The following MDGA2 variants were observed in gnomAD, a reference collection of about 807,000 sequenced individuals.
The protein encoded by MDGA2 is MAM domain containing glycosylphosphatidylinositol anchor 2, also known as MAM domain-containing glycosylphosphatidylinositol anchor protein 2.
In MDGA2, 40 loss-of-function variants were observed where a neutral mutation model predicts 117.8. That is an observed-to-expected ratio of 0.34 (90% CI 0.26 to 0.44). MDGA2 has a LOEUF of 0.44. Ranked by LOEUF, MDGA2 falls within the 20% of genes least tolerant of loss-of-function variation. MDGA2 has a pLI of 1.00. For synonymous variants in MDGA2, 452 were observed against 439.0 expected (o/e 1.03, Z -0.37); for missense variants, 1,123 against 1,250.6 (o/e 0.90, Z 1.54).
rs528480711 is a variant in MDGA2, at chr14:47,380,877, C to T, written c.281-79327G>A. Reference sequence around the variant, plus strand: ...CTCATTTTATGAGGCCAGCATCATCCTGATACCAAAGCCTGGCAGAGACAC... The same window carrying T: ...CTCATTTTATGAGGCCAGCATCATCTTGATACCAAAGCCTGGCAGAGACAC... On this transcript the variant is annotated intron_variant, in intron 1 of 16. Coordinates refer to ENST00000399232, the MANE Select transcript of MDGA2 (RefSeq NM_001113498.3). 6.1e-4 allele frequency among the ~76,000 whole-genome samples: 93 copies of T among 152,228 alleles called. 1 individual carries two copies. The highest frequency in any genetic ancestry group is 2.1e-3 in the African/African-American group (88 of 41,564).
chr14:47,426,346 G>T (rs1311981210), intron 1 of MDGA2, among the ~76,000 whole-genome samples: 1 of 151,602 alleles, frequency 6.6e-6, no homozygotes, highest in Non-Finnish European at 1.5e-5. Context: ...TCCAAATTTG[G>T]TCATTGGGAT....
intron 7 of MDGA2, among the ~76,000 whole-genome samples, chr14:47,053,597 ATG>A: frequency 1.3e-5 from 1 of 77,354 alleles, no homozygotes; most frequent in Non-Finnish European, 2.5e-5. Flanking sequence ...CCTAGTGTGT[ATG>A]TGTATATATA....
intron 1 of MDGA2, among the ~76,000 whole-genome samples, chr14:47,448,357 CT>C (rs1893171327): frequency 6.6e-6 from 1 of 151,976 alleles, no homozygotes; most frequent in Non-Finnish European, 1.5e-5. Context: ...CCAGGCTGGT[CT>C]CGAACTCCTG....
intron 7 of MDGA2, among the ~76,000 whole-genome samples, chr14:47,038,304 A>G (rs369775865): frequency 6.6e-6 from 1 of 152,182 alleles, no homozygotes; most frequent in Non-Finnish European, 1.5e-5. Flanking sequence ...ACAAGAATGA[A>G]TAGTAAAAAG....
At chr14:47,229,995 C>T (rs1886635981) in intron 2 of MDGA2, among the ~76,000 whole-genome samples, 1 of 151,798 alleles carries the variant, frequency 6.6e-6, no homozygotes, top group Non-Finnish European at 1.5e-5. Flanking sequence ...TTAAGTGTTG[C>T]TGTGGAAGAG....
intron 2 of MDGA2, among the ~76,000 whole-genome samples, chr14:47,221,529 A>G (rs943438761): frequency 5.3e-5 from 8 of 152,078 alleles, no homozygotes; most frequent in Non-Finnish European, 7.4e-5. Context: ...TCTACTAAAA[A>G]TACAAAAAAT....
intron 3 of MDGA2, among the ~76,000 whole-genome samples, chr14:47,210,367 CTAATT>C (rs1885838237): frequency 3.3e-5 from 5 of 152,244 alleles, no homozygotes; most frequent in African/African-American, 1.2e-4. Context: ...GCCTCTCAGT[CTAATT>C]TCTTTTTGAA....
chr14:47,553,218 C>T (rs1010125506), intron 1 of MDGA2, among the ~76,000 whole-genome samples: 71 of 152,290 alleles, frequency 4.7e-4, no homozygotes, highest in Middle Eastern at 3.4e-3. Flanking sequence ...TAACTCTCCC[C>T]GCTAGAATGT....
chr14:47,401,741 C>A (rs1426286435), intron 1 of MDGA2, among the ~76,000 whole-genome samples: 1 of 152,146 alleles, frequency 6.6e-6, no homozygotes. Flanking sequence ...GAGGCCATGT[C>A]GCCAGCACAA....
intron 1 of MDGA2, among the ~76,000 whole-genome samples, chr14:47,596,434 T>C (rs1003707266): frequency 6.6e-6 from 1 of 152,142 alleles, no homozygotes; most frequent in African/African-American, 2.4e-5. Flanking sequence ...TATTTCCATA[T>C]TTATGTTTTT....
chr14:47,473,097 G>A (rs528092243), intron 1 of MDGA2, among the ~76,000 whole-genome samples: 12 of 152,208 alleles, frequency 7.9e-5, no homozygotes, highest in South Asian at 6.2e-4. Flanking sequence ...ACACCTGGGC[G>A]CAAGGTGTGC....
chr14:47,110,943 A>C (rs897833108), intron 5 of MDGA2, among the ~76,000 whole-genome samples: 1 of 152,182 alleles, frequency 6.6e-6, no homozygotes, highest in African/African-American at 2.4e-5. Flanking sequence ...AGATGTACGT[A>C]TGTTCTATTT....
chr14:46,995,702 A>C (rs1030992719), intron 8 of MDGA2, among the ~76,000 whole-genome samples: 1 of 152,000 alleles, frequency 6.6e-6, no homozygotes, highest in Non-Finnish European at 1.5e-5. Context: ...ATAAATATGA[A>C]AAATCAGTTC....
chr14:47,665,338 A>G (rs903702174), intron 1 of MDGA2, among the ~76,000 whole-genome samples: 2 of 152,154 alleles, frequency 1.3e-5, no homozygotes, highest in Admixed American at 1.3e-4. Context: ...GGATTCATGC[A>G]TAACCTCTTT....
intron 8 of MDGA2, among the ~76,000 whole-genome samples, chr14:46,997,334 T>A (rs895719143): frequency 6.6e-6 from 1 of 152,168 alleles, no homozygotes; most frequent in Non-Finnish European, 1.5e-5. Flanking sequence ...AATTGCCTAG[T>A]CTTCTGTTTT....
chr14:47,668,012 GT>G (rs1413967487), intron 1 of MDGA2, among the ~76,000 whole-genome samples: 2 of 152,106 alleles, frequency 1.3e-5, no homozygotes. Context: ...ACCATAATAT[GT>G]ATTTAAATAA....
At chr14:47,328,826 C>G (rs754588997) in intron 1 of MDGA2, among the ~76,000 whole-genome samples, 5 of 152,036 alleles carry the variant, frequency 3.3e-5, no homozygotes, top group Non-Finnish European at 4.4e-5. Context: ...TTTTTAGGAC[C>G]TGCTGCCCAA....
intron 6 of MDGA2, among the ~76,000 whole-genome samples, chr14:47,068,659 G>A (rs2138825475): frequency 6.6e-6 from 1 of 152,122 alleles, no homozygotes; most frequent in South Asian, 2.1e-4. Flanking sequence ...ATGAGAATGT[G>A]TTCAGGTATA....
intron 1 of MDGA2, among the ~76,000 whole-genome samples, chr14:47,529,933 C>T (rs1895059400): frequency 6.6e-6 from 1 of 152,186 alleles, no homozygotes; most frequent in African/African-American, 2.4e-5. Flanking sequence ...GAAACTACTG[C>T]TACGGAATAA....
Sources: gnomAD v4.1 joint callset for allele counts (sites outside exome capture counted in the v4.1 genomes callset) on GRCh38, gnomAD v4.1.1 for gene constraint, MANE v1.5 for transcripts, NCBI Gene and HGNC (gene_info 2026-07-23, HGNC 2026-07-21) for gene names.